Variants in CTNNA3 observed in about 807,000 individuals in gnomAD.
CTNNA3 encodes the protein catenin alpha-3.
In CTNNA3, 76 loss-of-function variants were observed where a neutral mutation model predicts 95.7. The ratio of observed to expected loss-of-function variants is 0.79; its 90% confidence interval spans 0.66 to 0.96. The LOEUF (loss-of-function observed/expected upper bound fraction) is 0.96, where lower values mean the gene tolerates loss of function less well. Ranked by LOEUF, CTNNA3 falls within the 40% of genes least tolerant of loss-of-function variation. CTNNA3 has a pLI of 0.00. For missense variants in CTNNA3, 1,191 were observed against 1,089.8 expected, an observed-to-expected ratio of 1.09 and a Z score of -1.31; for synonymous variants, 431 against 374.4, an observed-to-expected ratio of 1.15 and a Z score of -1.74.
intron 15 of CTNNA3, among the ~76,000 whole-genome samples, chr10:66,021,852 C>CTTTTGTTTTTTTTTTTTTTTTTT (rs2079219611): frequency 1.3e-5 from 1 of 75,952 alleles, no homozygotes; most frequent in Non-Finnish European, 2.4e-5. Flanking sequence ...AGGATCTTGG[C>CTTTTGTTTTTTTTTTTTTTTTTT]TTTTTTTTTT....
At chr10:66,532,113 C>T (rs951044275) in intron 10 of CTNNA3, among the ~76,000 whole-genome samples, 1 of 152,000 alleles carries the variant, frequency 6.6e-6, no homozygotes, top group African/African-American at 2.4e-5. Context: ...AAAATGTAAG[C>T]TATTCATTAA....
At chr10:66,833,575 G>T (rs1842797220) in intron 7 of CTNNA3, among the ~76,000 whole-genome samples, 1 of 152,160 alleles carries the variant, frequency 6.6e-6, no homozygotes, top group South Asian at 2.1e-4. Context: ...AAGTTTCAGA[G>T]AAGTTCATTG....
At chr10:66,120,903 T>C (rs1047575782) in intron 13 of CTNNA3, among the ~76,000 whole-genome samples, 14 of 152,124 alleles carry the variant, frequency 9.2e-5, no homozygotes, top group African/African-American at 2.9e-4. Flanking sequence ...AATGGGAAGA[T>C]TGTGCACTCC....
intron 7 of CTNNA3, among the ~76,000 whole-genome samples, chr10:67,121,302 T>A (rs1402819189): frequency 6.6e-6 from 1 of 151,948 alleles, no homozygotes; most frequent in Non-Finnish European, 1.5e-5. Context: ...GTAAGAAGTT[T>A]ATGGAAATGA....
At chr10:66,306,338 T>A (rs73319964) in intron 12 of CTNNA3, among the ~76,000 whole-genome samples, 1,526 of 152,328 alleles carry the variant, frequency 0.01, 27 homozygotes, top group African/African-American at 0.034. Context: ...GGTCCTTCCC[T>A]GTTCTGAGTC....
intron 9 of CTNNA3, among the ~76,000 whole-genome samples, chr10:66,652,097 T>TAAAAAAAAAAAAAAAAAA (rs59359956): frequency 8.2e-6 from 1 of 122,390 alleles, no homozygotes; most frequent in Non-Finnish European, 1.8e-5. Flanking sequence ...CTCAAGGAAC[T>TAAAAAAAAAAAAAAAAAA]AAAAAAAAAA....
chr10:66,335,705 C>T (rs573032154), intron 12 of CTNNA3, among the ~76,000 whole-genome samples: 3 of 152,224 alleles, frequency 2.0e-5, no homozygotes, highest in South Asian at 2.1e-4. Flanking sequence ...GTAGTCTGTC[C>T]GTTCTCAGAT....
intron 2 of CTNNA3, among the ~76,000 whole-genome samples, chr10:67,639,746 C>A (rs938026188): frequency 4.6e-5 from 7 of 151,918 alleles, no homozygotes; most frequent in East Asian, 1.9e-4. Flanking sequence ...ACAGAACCAA[C>A]GACAAAAACC....
intron 7 of CTNNA3, among the ~76,000 whole-genome samples, chr10:66,937,166 C>T (rs1481232158): frequency 1.3e-5 from 2 of 151,872 alleles, no homozygotes; most frequent in African/African-American, 4.8e-5. Context: ...CTTTGTATAC[C>T]AGAAAGAACT....
intron 15 of CTNNA3, among the ~76,000 whole-genome samples, chr10:66,003,741 A>G (rs1441472941): frequency 6.6e-6 from 1 of 152,174 alleles, no homozygotes; most frequent in Non-Finnish European, 1.5e-5. Flanking sequence ...GTGATTTTGT[A>G]CTGAAAACAT....
Position 67,743,578 on chromosome 10 carries a change from T to A in CTNNA3, c.-2+19856A>T, listed in dbSNP as rs566054000. ...TGGGCAAAAACTGGAAGCATTGCCT[T>A]TGAAAATGGGCACAAGACAGGGATG... is the stretch of plus-strand genomic sequence containing the variant. On this transcript the variant is annotated intron_variant, in intron 1 of 17. Transcript: ENST00000684154. Among the ~76,000 whole-genome samples the A allele has an allele frequency of 2.9e-4, 44 of 151,334 alleles. 1 individual carries two copies. The highest frequency in any genetic ancestry group is 6.5e-4 in the Non-Finnish European group (44 of 67,746).
intron 8 of CTNNA3, among the ~76,000 whole-genome samples, chr10:66,770,974 G>A (rs981241981): frequency 2.0e-5 from 3 of 152,070 alleles, no homozygotes; most frequent in Admixed American, 6.5e-5. Flanking sequence ...CACTGTGTAT[G>A]TACTATGTAA....
intron 10 of CTNNA3, among the ~76,000 whole-genome samples, chr10:66,523,902 C>G (rs921691974): frequency 2.6e-5 from 4 of 152,128 alleles, no homozygotes; most frequent in Non-Finnish European, 5.9e-5. Flanking sequence ...AAAACAAACA[C>G]CATATTTCTT....
intron 13 of CTNNA3, among the ~76,000 whole-genome samples, chr10:66,266,350 C>T (rs1425705321): frequency 2.0e-5 from 3 of 151,972 alleles, no homozygotes; most frequent in African/African-American, 4.8e-5. Flanking sequence ...TCACCACAGC[C>T]TAACACACTG....
chr10:67,133,328 T>TAC (rs1554928688), intron 7 of CTNNA3, among the ~76,000 whole-genome samples: 48,369 of 99,552 alleles, frequency 0.49, 13,845 homozygotes, highest in African/African-American at 0.66. Flanking sequence ...TATATATTTA[T>TAC]ACACACACAC....
At chr10:66,346,933 C>T (rs1376282280) in intron 12 of CTNNA3, among the ~76,000 whole-genome samples, 2 of 151,522 alleles carry the variant, frequency 1.3e-5, no homozygotes, top group Non-Finnish European at 2.9e-5. Flanking sequence ...TGGAATGGGG[C>T]TAATGTGGTC....
intron 7 of CTNNA3, among the ~76,000 whole-genome samples, chr10:67,120,716 T>A (rs1366205514): frequency 6.6e-6 from 1 of 152,050 alleles, no homozygotes; most frequent in Non-Finnish European, 1.5e-5. Flanking sequence ...TTATTGCCCA[T>A]TTTCTTGATG....
At chr10:66,083,459 CA>C (rs1403029121) in intron 14 of CTNNA3, among the ~76,000 whole-genome samples, 2 of 152,120 alleles carry the variant, frequency 1.3e-5, no homozygotes, top group Admixed American at 6.5e-5. Context: ...ACGTGAGGGT[CA>C]AAGGACCGCC....
chr10:66,579,832 T>A (rs1484548640), intron 10 of CTNNA3, among the ~76,000 whole-genome samples: 1 of 151,792 alleles, frequency 6.6e-6, no homozygotes, highest in Non-Finnish European at 1.5e-5. Flanking sequence ...TGGTTTCCGA[T>A]GAGAGATCCA....
Sources: gnomAD v4.1 joint callset for allele counts (sites outside exome capture counted in the v4.1 genomes callset) on GRCh38, gnomAD v4.1.1 for gene constraint, MANE v1.5 for transcripts, NCBI Gene and HGNC (gene_info 2026-07-23, HGNC 2026-07-21) for gene names.